Variants in ADAMTS16 observed in about 807,000 individuals in gnomAD.
ADAMTS16 encodes the protein ADAM metallopeptidase with thrombospondin type 1 motif 16, also known as A disintegrin and metalloproteinase with thrombospondin motifs 16.
In ADAMTS16, 94 loss-of-function variants were observed where a neutral mutation model predicts 145.8. That is an observed-to-expected ratio of 0.64 (90% CI 0.55 to 0.77). ADAMTS16 has a LOEUF of 0.77. Ranked by LOEUF, ADAMTS16 falls within the 30% of genes least tolerant of loss-of-function variation. ADAMTS16 has a pLI of 0.00. For missense variants in ADAMTS16, 1,585 were observed against 1,591.5 expected, an observed-to-expected ratio of 1.00 and a Z score of 0.07; for synonymous variants, 659 against 604.3, an observed-to-expected ratio of 1.09 and a Z score of -1.33.
At chr5:5,311,398 C>T (rs995527215) in intron 21 of ADAMTS16, among the ~76,000 whole-genome samples, 4 of 151,930 alleles carry the variant, frequency 2.6e-5, no homozygotes, top group Admixed American at 6.6e-5. Context: ...CAATTTAATC[C>T]GCCCTGGAAT....
intron 11 of ADAMTS16, among the ~76,000 whole-genome samples, chr5:5,229,294 G>C (rs1736858451): frequency 9.5e-6 from 1 of 105,570 alleles, no homozygotes; most frequent in Non-Finnish European, 1.7e-5. Flanking sequence ...GACAGAGCGA[G>C]ACTCCGTCTC....
chr5:5,303,690 G>A lies in ADAMTS16; in HGVS notation c.3110G>A (p.Arg1037Lys). 6.2e-7 allele frequency: 1 copy of A among 1,613,828 alleles called. No homozygotes were observed. The highest frequency in any genetic ancestry group is 8.5e-7 in the Non-Finnish European group (1 of 1,180,034). Residue 1037 changes from arginine (R) to lysine (K), a missense_variant, in exon 20 of 23, where the codon AGG (arginine) becomes AAG (lysine). Physicochemically the swap from Arg to Lys is conservative, Grantham distance 26 (BLOSUM62 2). Coordinates refer to ENST00000274181, the MANE Select transcript of ADAMTS16 (RefSeq NM_139056.4). ...GTCTGCACCTCCGAGCCCAAGCCCA[G>A]GATGCATGAAGCCTGTCTGCTTCAG... Reference protein sequence around the residue: ...DAVCTSEPKPRMHEACLLQRC... With the variant: ...DAVCTSEPKPKMHEACLLQRC...
intron 20 of ADAMTS16, among the ~76,000 whole-genome samples, chr5:5,305,207 CCACA>C: frequency 3.3e-5 from 2 of 59,920 alleles, no homozygotes; most frequent in Admixed American, 1.5e-4. Flanking sequence ...ACACACACAT[CCACA>C]CCACACACAC....
intron 17 of ADAMTS16, among the ~76,000 whole-genome samples, chr5:5,257,639 G>C (rs1216420958): frequency 6.6e-6 from 1 of 152,218 alleles, no homozygotes; most frequent in Non-Finnish European, 1.5e-5. Flanking sequence ...GACATGAGCT[G>C]TTTTTATTCA....
chr5:5,279,420 T>C (rs1252990826), intron 18 of ADAMTS16, among the ~76,000 whole-genome samples: 1 of 152,234 alleles, frequency 6.6e-6, no homozygotes, highest in African/African-American at 2.4e-5. Context: ...TGTCTTTTTT[T>C]CATTTTCCTC....
chr5:5,204,647 A>G (rs908041498), intron 9 of ADAMTS16, among the ~76,000 whole-genome samples: 6 of 152,220 alleles, frequency 3.9e-5, no homozygotes, highest in African/African-American at 1.4e-4. Flanking sequence ...TTATATACTA[A>G]ATATATAAAT....
At chr5:5,196,249 A>AG (rs962501558) in intron 8 of ADAMTS16, among the ~76,000 whole-genome samples, 5 of 151,312 alleles carry the variant, frequency 3.3e-5, no homozygotes, top group Admixed American at 3.3e-4. Flanking sequence ...AAAAAAAAAA[A>AG]AAAAAAAGCA....
chr5:5,181,635 G>T (rs1735341698), intron 3 of ADAMTS16, among the ~76,000 whole-genome samples: 1 of 152,086 alleles, frequency 6.6e-6, no homozygotes, highest in Admixed American at 6.5e-5. Context: ...TACCCTATTA[G>T]GATTCTAATT....
At chr5:5,228,142 T>A (rs1736822035) in intron 11 of ADAMTS16, among the ~76,000 whole-genome samples, 1 of 152,182 alleles carries the variant, frequency 6.6e-6, no homozygotes, top group Non-Finnish European at 1.5e-5. Flanking sequence ...TCCCTAAACA[T>A]CAAAGGCAGA....
chr5:5,273,849 A>G (rs939246709), intron 18 of ADAMTS16, among the ~76,000 whole-genome samples: 1 of 152,250 alleles, frequency 6.6e-6, no homozygotes, highest in African/African-American at 2.4e-5. Context: ...ACTGAAAAGG[A>G]ACATAGAAAC....
At chr5:5,256,914 T>A (rs1737803177) in intron 17 of ADAMTS16, among the ~76,000 whole-genome samples, 1 of 152,238 alleles carries the variant, frequency 6.6e-6, no homozygotes, top group Non-Finnish European at 1.5e-5. Flanking sequence ...AGGAACAGAT[T>A]AATTTTCATT....
At chr5:5,148,692 A>C (rs1056656504) in intron 3 of ADAMTS16, among the ~76,000 whole-genome samples, 10 of 152,234 alleles carry the variant, frequency 6.6e-5, no homozygotes, top group African/African-American at 2.4e-4. Flanking sequence ...AGAAGAAAGG[A>C]AAAACTAAAC....
intron 3 of ADAMTS16, among the ~76,000 whole-genome samples, chr5:5,167,221 T>C (rs1025268476): frequency 6.6e-6 from 1 of 152,184 alleles, no homozygotes; most frequent in Non-Finnish European, 1.5e-5. Context: ...TTATCCATTG[T>C]TGTGTCTGGA....
intron 3 of ADAMTS16, among the ~76,000 whole-genome samples, chr5:5,162,509 TG>T (rs1734767188): frequency 6.6e-6 from 1 of 152,094 alleles, no homozygotes; most frequent in African/African-American, 2.4e-5. Flanking sequence ...TGGGCAACAT[TG>T]GGTATTGGAG....
At position 5,319,394 on chromosome 5, in the gene ADAMTS16, G is replaced by T; in HGVS notation, c.*256G>T. 2.0e-6 allele frequency: 1 copy of T among 490,028 alleles called. No individual in the cohort carries two copies. The highest frequency in any genetic ancestry group is 3.6e-5 in the Admixed American group (1 of 27,592). The allele number at this position is 490,028 out of a possible 1,614,324, so 30.4% of individuals were successfully genotyped here. On this transcript the variant is annotated 3_prime_UTR_variant, in exon 23 of 23. Transcript: ENST00000274181. ...TGGCAGACAGAGCTGTGGCTCGTGA[G>T]GCAGAAGGCAGGCACCACAACGGGA...
chr5:5,172,457 T>G (rs2126544219), intron 3 of ADAMTS16, among the ~76,000 whole-genome samples: 1 of 152,180 alleles, frequency 6.6e-6, no homozygotes, highest in East Asian at 1.9e-4. Flanking sequence ...ATTATCATTT[T>G]TCAAATAAAT....
chr5:5,221,186 CAGTTGTCTGTTT>C (rs1736596061), intron 10 of ADAMTS16, among the ~76,000 whole-genome samples: 1 of 152,040 alleles, frequency 6.6e-6, no homozygotes, highest in African/African-American at 2.4e-5. Flanking sequence ...TAGAGCTGGC[CAGTTGTCTGTTT>C]GGAGAATTAC....
chr5:5,272,985 A>G (rs1738540132), intron 18 of ADAMTS16, among the ~76,000 whole-genome samples: 1 of 152,180 alleles, frequency 6.6e-6, no homozygotes, highest in African/African-American at 2.4e-5. Flanking sequence ...AGGGGGAAGA[A>G]GTAACCATGA....
chr5:5,170,323 T>G (rs988562249), intron 3 of ADAMTS16, among the ~76,000 whole-genome samples: 1 of 152,170 alleles, frequency 6.6e-6, no homozygotes, highest in Admixed American at 6.6e-5. Flanking sequence ...TTGTATGTCT[T>G]CTCTCGAGAA....
Sources: gnomAD v4.1 joint callset for allele counts (sites outside exome capture counted in the v4.1 genomes callset) on GRCh38, gnomAD v4.1.1 for gene constraint, MANE v1.5 for transcripts, NCBI Gene and HGNC (gene_info 2026-07-23, HGNC 2026-07-21) for gene names.